Variants in PPP1R21 observed in about 807,000 individuals in gnomAD.
PPP1R21 encodes the protein protein phosphatase 1 regulatory subunit 21.
Under a neutral mutation model 112.8 loss-of-function variants are expected in PPP1R21, and 85 were observed. The observed-to-expected ratio is 0.75, with a 90% CI of 0.63 to 0.90. PPP1R21 has a LOEUF of 0.90. Among genes scored for constraint, PPP1R21 ranks in the 40% least tolerant of loss-of-function variants. The pLI, the probability that PPP1R21 is intolerant of heterozygous loss-of-function variation, is 0.00. For missense variants in PPP1R21, 1,199 were observed against 901.5 expected, an observed-to-expected ratio of 1.33 and a Z score of -4.23; for synonymous variants, 381 against 322.3, an observed-to-expected ratio of 1.18 and a Z score of -1.95.
chr2:48,504,721 G>GT, intron 17 of PPP1R21, among the ~76,000 whole-genome samples: 1 of 152,318 alleles, frequency 6.6e-6, no homozygotes, highest in South Asian at 2.1e-4. Flanking sequence ...GTTTCCAGTA[G>GT]TTTCCTTGTC....
chr2:48,504,956 T>C (rs765310778), intron 17 of PPP1R21, among the ~76,000 whole-genome samples: 13 of 151,942 alleles, frequency 8.6e-5, no homozygotes, highest in Admixed American at 4.6e-4. Flanking sequence ...ATTGCACCAA[T>C]GTAATGCAGC....
At chr2:48,450,873 A>G in intron 1 of PPP1R21, 135 bp from the exon 2 acceptor site, 1 of 638,112 alleles carries the variant, frequency 1.6e-6, no homozygotes, top group Non-Finnish European at 2.8e-6. Context: ...TGGGTCTAAT[A>G]CTTTTTTGTT....
intron 9 of PPP1R21, among the ~76,000 whole-genome samples, chr2:48,470,439 G>C (rs1668447185): frequency 6.7e-6 from 1 of 150,192 alleles, no homozygotes; most frequent in Non-Finnish European, 1.5e-5. Flanking sequence ...AATTGCTTGA[G>C]AACCCGGGAG....
intron 12 of PPP1R21, 93 bp from the exon 13 acceptor site, chr2:48,479,831 A>G: frequency 1.2e-6 from 1 of 817,440 alleles, no homozygotes; most frequent in Non-Finnish European, 2.2e-6. Flanking sequence ...CATTACAACC[A>G]ATCTTCATTC....
intron 15 of PPP1R21, among the ~76,000 whole-genome samples, chr2:48,492,735 C>T (rs1669627237): frequency 6.6e-6 from 1 of 152,194 alleles, no homozygotes; most frequent in African/African-American, 2.4e-5. Flanking sequence ...ATAAAAGCTA[C>T]CTATCTCCCT....
Position 48,507,363 on chromosome 2 carries a change from A to G in PPP1R21, c.2063A>G (p.Lys688Arg). ...TCTCAGTTGCAGCTGGCTGACAGTAAGTCAGTGCATTTTTATGCCGAGGTG... is the reference window on the plus strand; with the variant it reads ...TCTCAGTTGCAGCTGGCTGACAGTAGGTCAGTGCATTTTTATGCCGAGGTG... Reference protein sequence around the residue: ...LTSQLQLADSKSVHFYAECRA... With the variant: ...LTSQLQLADSRSVHFYAECRA... Residue 688 changes from lysine (K) to arginine (R), a missense_variant, in exon 19 of 22, where the codon AAG (lysine) becomes AGG (arginine). Transcript: ENST00000294952. The G allele has an allele frequency of 6.3e-7, 1 of 1,599,886 alleles. No individual in the cohort carries two copies. The highest frequency in any genetic ancestry group is 1.4e-5 in the African/African-American group (1 of 73,930).
intron 11 of PPP1R21, among the ~76,000 whole-genome samples, chr2:48,473,656 T>A (rs1312574131): frequency 6.6e-6 from 1 of 152,210 alleles, no homozygotes; most frequent in African/African-American, 2.4e-5. Context: ...AATGAAGCTG[T>A]CTGCTATAAA....
At chr2:48,482,120 G>A (rs1218858890) in intron 13 of PPP1R21, among the ~76,000 whole-genome samples, 1 of 152,088 alleles carries the variant, frequency 6.6e-6, no homozygotes, top group African/African-American at 2.4e-5. Context: ...TTAATCTATT[G>A]GTTGATAGGT....
At position 48,464,927 on chromosome 2, in the gene PPP1R21, T is replaced by C; in HGVS notation, c.695-10T>C. 6.4e-7 allele frequency: 1 copy of C among 1,559,490 alleles called. No individual in the cohort carries two copies. Among genetic ancestry groups the C allele is most frequent in the South Asian group, 1.2e-5 (1 of 83,616 alleles). Reference sequence around the variant, plus strand: ...TGAGAGACTTAATGTACATTATTTTTCTTCTGTAGAATATAGTCAGTACAA... The same window carrying C: ...TGAGAGACTTAATGTACATTATTTTCCTTCTGTAGAATATAGTCAGTACAA... On this transcript the variant is annotated splice_polypyrimidine_tract_variant and intron_variant, in intron 7 of 21. Transcript: ENST00000294952.
In PPP1R21 at chr2:48,505,604, G is replaced by T. The variant is rs369042288; in HGVS notation, c.1968+8G>T. On this transcript the variant is annotated splice_region_variant and intron_variant, in intron 18 of 21. Coordinates refer to ENST00000294952, the MANE Select transcript of PPP1R21 (RefSeq NM_001135629.3). ...AGGACATCTGACAGTGAGGTAACAT[G>T]TGCTTGTCATCATGTTGTTTGTTAG... is the stretch of plus-strand genomic sequence containing the variant. 7 of 1,547,972 alleles carry T rather than the reference G, an allele frequency of 4.5e-6. No individual in the cohort carries two copies. In the African/African-American group the frequency reaches 8.2e-5, roughly 18 times the overall value.
chr2:48,486,747 G>A lies in PPP1R21; in HGVS notation c.1435G>A (p.Gly479Arg). 6.2e-7 allele frequency: 1 copy of A among 1,612,434 alleles called. No homozygotes were observed. Among genetic ancestry groups the A allele is most frequent in the Non-Finnish European group, 8.5e-7 (1 of 1,179,364 alleles). Residue 479 changes from glycine (G) to arginine (R), a missense_variant, in exon 14 of 22, where the codon GGA becomes AGA. By Grantham distance (125) the Gly-to-Arg change is moderately radical. Coordinates refer to ENST00000294952, the MANE Select transcript of PPP1R21 (RefSeq NM_001135629.3). Reference protein sequence around the residue: ...ILSSVVALTNGAGKIASFFSN... With the variant: ...ILSSVVALTNRAGKIASFFSN... ...GTCATCAGTAGTGGCATTAACAAATGGAGCAGGAAAGGTAATTCTCTTCTG... is the reference window on the plus strand; with the variant it reads ...GTCATCAGTAGTGGCATTAACAAATAGAGCAGGAAAGGTAATTCTCTTCTG...
intron 15 of PPP1R21, among the ~76,000 whole-genome samples, chr2:48,493,937 T>A (rs1669684353): frequency 6.6e-6 from 1 of 151,846 alleles, no homozygotes; most frequent in African/African-American, 2.4e-5. Flanking sequence ...TTGAAAATGT[T>A]GCAGCCGGGT....
At position 48,465,568 on chromosome 2, in the gene PPP1R21, A is replaced by G. The variant is rs1201226592; in HGVS notation, c.823A>G (p.Thr275Ala). The G allele has an allele frequency of 3.1e-6, 5 of 1,613,830 alleles. No individual in the cohort carries two copies. The highest frequency in any genetic ancestry group is 2.7e-5 in the African/African-American group (2 of 74,910). ...DLVTALLNFH[T>A]YTEQRIQIFP... Reference sequence around the variant, plus strand: ...TGTGACGGCTCTTCTAAACTTTCATACCTACACAGAACAGAGGATTCAAAT... The same window carrying G: ...TGTGACGGCTCTTCTAAACTTTCATGCCTACACAGAACAGAGGATTCAAAT... The change falls in exon 9 of 22, where the codon ACC (threonine) becomes GCC (alanine). Residue 275 changes from threonine to alanine, a missense_variant. Coordinates refer to ENST00000294952, the MANE Select transcript of PPP1R21 (RefSeq NM_001135629.3).
chr2:48,503,257 C>G (rs1304256617), intron 17 of PPP1R21, among the ~76,000 whole-genome samples: 1 of 152,054 alleles, frequency 6.6e-6, no homozygotes, highest in Non-Finnish European at 1.5e-5. Flanking sequence ...TCGTTTTTTT[C>G]TACTAAATTT....
intron 16 of PPP1R21, among the ~76,000 whole-genome samples, chr2:48,496,481 T>A (rs558715294): frequency 2.6e-5 from 4 of 151,830 alleles, no homozygotes; most frequent in African/African-American, 9.6e-5. Context: ...TTTTTTTTTT[T>A]TTTTGAGATG....
chr2:48,510,580 A>AG (rs1387149988), intron 20 of PPP1R21, among the ~76,000 whole-genome samples: 1 of 152,236 alleles, frequency 6.6e-6, no homozygotes, highest in Admixed American at 6.5e-5. Context: ...CAAGGAAAAA[A>AG]CACAGCACTA....
chr2:48,476,379 C>T (rs940403897), intron 12 of PPP1R21, among the ~76,000 whole-genome samples: 1 of 152,138 alleles, frequency 6.6e-6, no homozygotes, highest in Non-Finnish European at 1.5e-5. Flanking sequence ...TTGTTTCTAC[C>T]TTTTGGCTAT....
chr2:48,483,451 G>T (rs181045942), intron 13 of PPP1R21, among the ~76,000 whole-genome samples: 2,526 of 152,098 alleles, frequency 0.017, 39 homozygotes, highest in Middle Eastern at 0.041. Flanking sequence ...TCAAAGTTTT[G>T]GGATTATAGG....
chr2:48,514,476 T>C (rs1185405409), intron 21 of PPP1R21, among the ~76,000 whole-genome samples: 2 of 152,222 alleles, frequency 1.3e-5, no homozygotes, highest in Non-Finnish European at 1.5e-5. Context: ...TCTTTCTTTA[T>C]TTCCTGTCCT....
Sources: allele counts gnomAD v4.1 joint callset (sites outside exome capture counted in the v4.1 genomes callset), GRCh38; gene constraint gnomAD v4.1.1; transcripts MANE v1.5; gene names NCBI Gene and HGNC (gene_info 2026-07-23, HGNC 2026-07-21).